SLC14A1: variants seen among roughly 807,000 people sequenced by gnomAD.
SLC14A1 encodes the protein solute carrier family 14 member 1 (Kidd blood group), also known as urea transporter 1.
SLC14A1 carries 36 observed loss-of-function variants against 39.6 expected under a neutral mutation model. The observed-to-expected ratio is 0.91, with a 90% CI of 0.70 to 1.20. The LOEUF is 1.20. Ranked by LOEUF, SLC14A1 falls within the 50% of genes most tolerant of loss-of-function variation. The probability of loss-of-function intolerance (pLI) is 0.00; values close to 1 mark genes in which losing one functional copy is unlikely to be tolerated. For synonymous variants in SLC14A1, 164 were observed against 173.6 expected (o/e 0.94, Z 0.43); for missense variants, 469 against 478.7 (o/e 0.98, Z 0.19).
Position 45,734,373 on chromosome 18 carries a change from A to T in SLC14A1, c.441A>T (p.Leu147Phe), listed in dbSNP as rs758213513. The T allele has an allele frequency of 6.2e-7, 1 of 1,613,286 alleles. No individual in the cohort carries two copies. The highest frequency in any genetic ancestry group is 1.1e-5 in the South Asian group (1 of 91,028). Residue 147 changes from leucine (L) to phenylalanine (F), a missense_variant, in exon 5 of 10, where the codon TTA becomes TTT. Coordinates refer to ENST00000321925, the MANE Select transcript of SLC14A1 (RefSeq NM_015865.7). ...AGGGAGACTATTTCTGGTGGCTGTTACTCCCTGTATGTGCTATGTCCATGA... is the reference window on the plus strand; with the variant it reads ...AGGGAGACTATTTCTGGTGGCTGTTTCTCCCTGTATGTGCTATGTCCATGA... ...SDKGDYFWWL[L>F]LPVCAMSMTC...
chr18:45,736,639 T>C lies in SLC14A1; in HGVS notation c.654T>C (p.Ser218=). The C allele has an allele frequency of 1.2e-6, 2 of 1,614,042 alleles. No homozygotes were observed. The highest frequency in any genetic ancestry group is 1.7e-6 in the Non-Finnish European group (2 of 1,179,868). ...TAPNISWSDL[S]ALELLKSIPV... ...CAAATATCTCCTGGTCTGACCTCAGTGCCCTGGAGGTAAGAGACACTGGCT... is the reference window on the plus strand; with the variant it reads ...CAAATATCTCCTGGTCTGACCTCAGCGCCCTGGAGGTAAGAGACACTGGCT... Residue 218 remains serine (S), a synonymous_variant, in exon 6 of 10, where the codon AGT becomes AGC. Transcript: ENST00000321925.
In SLC14A1 at chr18:45,750,891, A is replaced by T; in HGVS notation, c.*940A>T. 3.0e-6 allele frequency: 3 copies of T among 985,254 alleles called. No individual in the cohort carries two copies. Among genetic ancestry groups the T allele is most frequent in the Non-Finnish European group, 3.6e-6 (3 of 829,806 alleles). The allele number at this position is 985,254 out of a possible 1,614,324, so 61.0% of individuals were successfully genotyped here. On this transcript the variant is annotated 3_prime_UTR_variant, in exon 10 of 10. Coordinates refer to ENST00000321925, the MANE Select transcript of SLC14A1 (RefSeq NM_015865.7). ...CTCTTTAAAATCATATTTTTTATTC[A>T]TTTGAGGATGTCTTATAAAGACTGA...
chr18:45,743,903 A>G (rs960631521), intron 8 of SLC14A1, among the ~76,000 whole-genome samples: 2 of 151,914 alleles, frequency 1.3e-5, no homozygotes, highest in African/African-American at 4.8e-5. Context: ...TAGAATTTTT[A>G]TTTTGGATTT....
chr18:45,727,498 G>T, intron 2 of SLC14A1: 1 of 1,446,850 alleles, frequency 6.9e-7, no homozygotes, highest in Non-Finnish European at 9.2e-7. Context: ...TCCGGGCAGA[G>T]CCTGGGAAGT....
Position 45,750,451 on chromosome 18 carries a change from T to TA in SLC14A1, c.*501dup. On this transcript the variant is annotated 3_prime_UTR_variant, in exon 10 of 10. Transcript: ENST00000321925. ...AGTTACACATTATAGCCAGAATCTG[T>TA]ATCACAGAGGTGCAAGCTGACAGCA... The TA allele has an allele frequency of 9.5e-7, 1 of 1,056,776 alleles. No individual in the cohort carries two copies. Among genetic ancestry groups the TA allele is most frequent in the Non-Finnish European group, 1.1e-6 (1 of 874,112 alleles). The allele number at this position is 1,056,776 out of a possible 1,614,324, so 65.5% of individuals were successfully genotyped here.
intron 8 of SLC14A1, among the ~76,000 whole-genome samples, chr18:45,744,730 T>C (rs1435990861): frequency 6.6e-6 from 1 of 152,230 alleles, no homozygotes; most frequent in African/African-American, 2.4e-5. Flanking sequence ...AGTTTTTACT[T>C]TGTCAAATCT....
chr18:45,750,405 C>CTT lies in SLC14A1; in HGVS notation c.*462_*463dup. The CTT allele has an allele frequency of 9.3e-7, 1 of 1,071,360 alleles. No individual in the cohort carries two copies. The allele number at this position is 1,071,360 out of a possible 1,614,324, so 66.4% of individuals were successfully genotyped here. ...CAGAATTCTGTGATAAGCAGCTTGG[C>CTT]TTTTTTTTTAAATCAATGCAAGTTA... On this transcript the variant is annotated 3_prime_UTR_variant, in exon 10 of 10. Transcript: ENST00000321925.
At chr18:45,741,811 C>A (rs889034837) in intron 8 of SLC14A1, among the ~76,000 whole-genome samples, 1 of 150,900 alleles carries the variant, frequency 6.6e-6, no homozygotes, top group African/African-American at 2.5e-5. Flanking sequence ...GGGGTTTCCA[C>A]CTGAGTTCAG....
intron 9 of SLC14A1, 105 bp from the exon 10 acceptor site, chr18:45,749,673 G>A (rs2047655064): frequency 1.5e-6 from 2 of 1,298,616 alleles, no homozygotes; most frequent in African/African-American, 2.9e-5. Context: ...AATGCCCCCA[G>A]TGGTTCATCC....
In SLC14A1 at chr18:45,752,243, A is replaced by T. The variant is rs1231393164; in HGVS notation, c.*2292A>T. On this transcript the variant is annotated 3_prime_UTR_variant, in exon 10 of 10. Transcript: ENST00000321925. ...CATAACCAAAGATCATCAGCAGTGA[A>T]GAATCTAGGCTGTGGCTGAGAGAAC... 1 of 985,440 alleles carries T rather than the reference A, an allele frequency of 1.0e-6. No individual in the cohort carries two copies. The highest frequency in any genetic ancestry group is 1.2e-6 in the Non-Finnish European group (1 of 829,930). The allele number at this position is 985,440 out of a possible 1,614,324, so 61.0% of individuals were successfully genotyped here.
intron 6 of SLC14A1, among the ~76,000 whole-genome samples, chr18:45,738,935 T>G (rs1186602833): frequency 6.6e-6 from 1 of 152,090 alleles, no homozygotes; most frequent in Non-Finnish European, 1.5e-5. Flanking sequence ...TGAGAAGGCA[T>G]GTGTTGCATG....
At chr18:45,733,812 C>T (rs1314645820) in intron 4 of SLC14A1, among the ~76,000 whole-genome samples, 6 of 152,180 alleles carry the variant, frequency 3.9e-5, no homozygotes, top group Non-Finnish European at 7.4e-5. Flanking sequence ...GAGCGGTGGG[C>T]GAGTGAGCAT....
Position 45,752,318 on chromosome 18 carries a change from C to T in SLC14A1, c.*2367C>T. On this transcript the variant is annotated 3_prime_UTR_variant, in exon 10 of 10. Transcript: ENST00000321925. ...GTCGATCTTCAGAACAGGGATCTAC[C>T]ATGCAGGAGCTTCTTGTGCTCACAC... 1 of 756,936 alleles carries T rather than the reference C, an allele frequency of 1.3e-6. No homozygotes were observed. Among genetic ancestry groups the T allele is most frequent in the Non-Finnish European group, 1.6e-6 (1 of 621,384 alleles). The allele number at this position is 756,936 out of a possible 1,614,324, so 46.9% of individuals were successfully genotyped here. A position where few individuals can be genotyped will look rare whatever the true frequency, so the allele number is the denominator to read the frequency against.
chr18:45,750,767 G>A lies in SLC14A1; in HGVS notation c.*816G>A. 1.0e-6 allele frequency: 1 copy of A among 985,064 alleles called. No individual in the cohort carries two copies. Among genetic ancestry groups the A allele is most frequent in the Non-Finnish European group, 1.2e-6 (1 of 829,654 alleles). The allele number at this position is 985,064 out of a possible 1,614,324, so 61.0% of individuals were successfully genotyped here. A position where few individuals can be genotyped will look rare whatever the true frequency, so the allele number is the denominator to read the frequency against. ...ACATATTAAAGAAAAGTTACTTACTGTATTTATGAAATACTCAGCTTAGGC... is the reference window on the plus strand; with the variant it reads ...ACATATTAAAGAAAAGTTACTTACTATATTTATGAAATACTCAGCTTAGGC... On this transcript the variant is annotated 3_prime_UTR_variant, in exon 10 of 10. Coordinates refer to ENST00000321925, the MANE Select transcript of SLC14A1 (RefSeq NM_015865.7).
At position 45,752,442 on chromosome 18, in the gene SLC14A1, G is replaced by A. The variant is rs2047735189; in HGVS notation, c.*2491G>A. 5.9e-6 allele frequency: 1 copy of A among 169,906 alleles called. No individual in the cohort carries two copies. Among genetic ancestry groups the A allele is most frequent in the Admixed American group, 6.5e-5 (1 of 15,300 alleles). The allele number at this position is 169,906 out of a possible 1,614,324, so 10.5% of individuals were successfully genotyped here. On this transcript the variant is annotated 3_prime_UTR_variant, in exon 10 of 10. Coordinates refer to ENST00000321925, the MANE Select transcript of SLC14A1 (RefSeq NM_015865.7). ...ATTTTCCTAAAATTGAATATTTGCA[G>A]GGAGCACTTATACTTTTTCCTAATG... is the stretch of plus-strand genomic sequence containing the variant.
chr18:45,734,176 T>A, intron 4 of SLC14A1, 98 bp from the exon 5 acceptor site: 1 of 1,445,374 alleles, frequency 6.9e-7, no homozygotes, highest in Non-Finnish European at 9.7e-7. Context: ...TCTCATTTTT[T>A]AATATGAATA....
intron 8 of SLC14A1, among the ~76,000 whole-genome samples, chr18:45,740,377 G>A (rs889000655): frequency 1.3e-5 from 2 of 152,060 alleles, no homozygotes; most frequent in Non-Finnish European, 2.9e-5. Flanking sequence ...AACACAAATC[G>A]CTGGGCCCCC....
rs1219309675 is a variant in SLC14A1, at chr18:45,750,839, A to G, written c.*888A>G. The G allele has an allele frequency of 4.1e-6, 4 of 985,272 alleles. No homozygotes were observed. The highest frequency in any genetic ancestry group is 4.8e-6 in the Non-Finnish European group (4 of 829,758). 61.0% of individuals were successfully genotyped at this position (985,272 alleles called of 1,614,324 possible). On this transcript the variant is annotated 3_prime_UTR_variant, in exon 10 of 10. Coordinates refer to ENST00000321925, the MANE Select transcript of SLC14A1 (RefSeq NM_015865.7). ...TTGATTTTGTAAATGCCACAAATGC[A>G]TAGAATTGTTACCAACCTCCAAAGG... is the stretch of plus-strand genomic sequence containing the variant.
In SLC14A1 at chr18:45,736,567, C is replaced by G. The variant is rs34756616; in HGVS notation, c.582C>G (p.Tyr194Ter). ...LSMYLSATGHYNPFFPAKLVI... is the reference protein window; with the variant it reads ...LSMYLSATGH ...TGTACCTTTCAGCCACAGGACATTA[C>G]AATCCATTCTTTCCAGCCAAACTGG... The change falls in exon 6 of 10, where the codon TAC becomes TAG. Residue 194 changes from tyrosine (Y) to a stop codon, truncating the protein, a stop_gained. Transcript: ENST00000321925. LOFTEE classifies it high-confidence loss of function. 9 of 1,614,012 alleles carry G rather than the reference C, an allele frequency of 5.6e-6. No individual in the cohort carries two copies. The highest frequency in any genetic ancestry group is 2.7e-5 in the African/African-American group (2 of 74,924).
Sources: allele counts gnomAD v4.1 joint callset (sites outside exome capture counted in the v4.1 genomes callset), GRCh38; gene constraint gnomAD v4.1.1; transcripts MANE v1.5; gene names NCBI Gene and HGNC (gene_info 2026-07-23, HGNC 2026-07-21).